Variants in ROBO2 observed in about 807,000 individuals in gnomAD.
ROBO2 encodes roundabout homolog 2.
A neutral mutation model predicts 160.8 loss-of-function variants in ROBO2; 53 were observed. That is an observed-to-expected ratio of 0.33 (90% CI 0.26 to 0.41). The LOEUF (loss-of-function observed/expected upper bound fraction) is 0.41, where lower values mean the gene tolerates loss of function less well. ROBO2 is among the 10% of genes least tolerant of loss of function. ROBO2 has a pLI of 1.00. For synonymous variants in ROBO2, 664 were observed against 611.7 expected, an observed-to-expected ratio of 1.09 and a Z score of -1.26; for missense variants, 1,577 against 1,722.4, an observed-to-expected ratio of 0.92 and a Z score of 1.49.
intron 8 of ROBO2, among the ~76,000 whole-genome samples, chr3:77,556,468 A>T (rs574717048): frequency 6.6e-6 from 1 of 151,992 alleles, no homozygotes; most frequent in South Asian, 2.1e-4. Context: ...ATATGAAGGT[A>T]ACCTGTATCA....
At chr3:76,190,895 G>T (rs1459443735) in intron 2 of ROBO2, among the ~76,000 whole-genome samples, 3 of 151,976 alleles carry the variant, frequency 2.0e-5, no homozygotes, top group Non-Finnish European at 4.4e-5. Context: ...TTATTAGTTC[G>T]TTCATATGCC....
At chr3:77,172,962 T>G (rs570067377) in intron 2 of ROBO2, among the ~76,000 whole-genome samples, 1 of 152,296 alleles carries the variant, frequency 6.6e-6, no homozygotes, top group South Asian at 2.1e-4. Flanking sequence ...CAGATAAACA[T>G]TTGCAAGGCA....
chr3:77,446,285 A>C (rs2080501018), intron 2 of ROBO2, among the ~76,000 whole-genome samples: 1 of 152,042 alleles, frequency 6.6e-6, no homozygotes, highest in Non-Finnish European at 1.5e-5. Context: ...AAAGAAAATG[A>C]TGACACAGGC....
intron 2 of ROBO2, among the ~76,000 whole-genome samples, chr3:76,138,857 A>C (rs1455551873): frequency 6.6e-6 from 1 of 152,070 alleles, no homozygotes; most frequent in Non-Finnish European, 1.5e-5. Context: ...AATTTTTTAG[A>C]ATTTTTAGGT....
At position 77,398,461 on chromosome 3, in the gene ROBO2, GTA is replaced by G. The variant is rs201501466; in HGVS notation, c.389-78949_389-78948del. ...GACTGAATGTAGTAGAATTCTCATT[GTA>G]TATTTTGTGCCATGTAAAATTACTT... On this transcript the variant is annotated intron_variant, in intron 2 of 25. Transcript: ENST00000461745. Among the ~76,000 whole-genome samples the G allele has an allele frequency of 4.2e-3, 639 of 152,172 alleles. 3 individuals carry two copies. Among genetic ancestry groups the G allele is most frequent in the African/African-American group, 0.015 (611 of 41,506 alleles).
chr3:76,633,745 A>G (rs1406210229), intron 2 of ROBO2, among the ~76,000 whole-genome samples: 1 of 152,214 alleles, frequency 6.6e-6, no homozygotes, highest in Non-Finnish European at 1.5e-5. Context: ...CGTAGATACA[A>G]TTATTATCCC....
intron 2 of ROBO2, among the ~76,000 whole-genome samples, chr3:76,753,681 C>A (rs1341656736): frequency 6.6e-6 from 1 of 151,736 alleles, no homozygotes; most frequent in Non-Finnish European, 1.5e-5. Context: ...AAAAAAGAGA[C>A]CATTGCTATT....
intron 2 of ROBO2, among the ~76,000 whole-genome samples, chr3:77,293,282 AC>A (rs2061549267): frequency 6.6e-6 from 1 of 151,358 alleles, no homozygotes; most frequent in Non-Finnish European, 1.5e-5. Context: ...AGGCTAGATC[AC>A]CAAAGACATA....
intron 2 of ROBO2, among the ~76,000 whole-genome samples, chr3:76,219,665 A>T (rs1318246039): frequency 2.6e-5 from 4 of 152,214 alleles, no homozygotes; most frequent in Non-Finnish European, 4.4e-5. Context: ...ATCATTAAAA[A>T]GTCAGGAAAC....
chr3:76,437,573 T>C (rs1443506383), intron 2 of ROBO2, among the ~76,000 whole-genome samples: 1 of 152,222 alleles, frequency 6.6e-6, no homozygotes, highest in Admixed American at 6.5e-5. Context: ...TTCTGAATTC[T>C]GAACAGACAG....
chr3:76,113,449 C>T (rs1168081330), intron 2 of ROBO2, among the ~76,000 whole-genome samples: 1 of 152,076 alleles, frequency 6.6e-6, no homozygotes, highest in Non-Finnish European at 1.5e-5. Context: ...ACCCAGGAAG[C>T]TTTGCAGAGA....
At chr3:76,649,992 G>T (rs1009360269) in intron 2 of ROBO2, among the ~76,000 whole-genome samples, 1 of 152,092 alleles carries the variant, frequency 6.6e-6, no homozygotes, top group Non-Finnish European at 1.5e-5. Context: ...GGAATAAAAA[G>T]TCTTTTAGGT....
chr3:77,446,079 C>A (rs905216510), intron 2 of ROBO2, among the ~76,000 whole-genome samples: 1 of 151,930 alleles, frequency 6.6e-6, no homozygotes, highest in Admixed American at 6.6e-5. Flanking sequence ...CTCCAGAGGA[C>A]CAGCAAGAAA....
chr3:77,427,547 C>A (rs955635228), intron 2 of ROBO2, among the ~76,000 whole-genome samples: 4 of 152,116 alleles, frequency 2.6e-5, no homozygotes, highest in African/African-American at 9.7e-5. Context: ...GTTGAGGGGA[C>A]AAGAAATTTC....
At chr3:76,085,327 G>A (rs1446451783) in intron 2 of ROBO2, among the ~76,000 whole-genome samples, 1 of 152,020 alleles carries the variant, frequency 6.6e-6, no homozygotes, top group Admixed American at 6.6e-5. Context: ...ATGCAAGTTT[G>A]TGTTCTTTCG....
chr3:77,156,294 T>A (rs1043094815), intron 2 of ROBO2, among the ~76,000 whole-genome samples: 2 of 152,046 alleles, frequency 1.3e-5, no homozygotes, highest in African/African-American at 4.8e-5. Context: ...CAGGTTTGAT[T>A]TTACTTTAGA....
chr3:76,574,378 T>C (rs530351463), intron 2 of ROBO2, among the ~76,000 whole-genome samples: 2 of 152,206 alleles, frequency 1.3e-5, no homozygotes, highest in Admixed American at 1.3e-4. Context: ...AGTAAACCCA[T>C]TCTGGAGATC....
At chr3:76,452,080 C>T (rs1040006107) in intron 2 of ROBO2, among the ~76,000 whole-genome samples, 3 of 152,048 alleles carry the variant, frequency 2.0e-5, no homozygotes, top group South Asian at 4.2e-4. Context: ...CTAAATATTC[C>T]TTCAACCCCT....
chr3:76,733,323 T>C (rs1226069834), intron 2 of ROBO2, among the ~76,000 whole-genome samples: 1 of 152,228 alleles, frequency 6.6e-6, no homozygotes, highest in Non-Finnish European at 1.5e-5. Context: ...ACCATTTCCC[T>C]ATGACTCTCA....
Sources: allele counts gnomAD v4.1 joint callset (sites outside exome capture counted in the v4.1 genomes callset), GRCh38; gene constraint gnomAD v4.1.1; transcripts MANE v1.5; gene names NCBI Gene and HGNC (gene_info 2026-07-23, HGNC 2026-07-21).